PAPPA: variants seen among roughly 807,000 people sequenced by gnomAD.
PAPPA encodes the protein pappalysin 1.
A neutral mutation model predicts 164.0 loss-of-function variants in PAPPA; 60 were observed. That is an observed-to-expected ratio of 0.37 (90% CI 0.30 to 0.45). The LOEUF is 0.45. PAPPA is among the 20% of genes least tolerant of loss of function. The pLI is 1.00. For synonymous variants in PAPPA, 875 were observed against 814.1 expected (o/e 1.07, Z -1.27); for missense variants, 1,782 against 2,087.3 (o/e 0.85, Z 2.85).
intron 1 of PAPPA, among the ~76,000 whole-genome samples, chr9:116,177,224 C>T (rs1416337652): frequency 2.0e-5 from 3 of 152,122 alleles, no homozygotes; most frequent in Admixed American, 2.0e-4. Flanking sequence ...CTTATTACAT[C>T]CTTCCAACCA....
chr9:116,360,528 A>T (rs1039906338), intron 17 of PAPPA, among the ~76,000 whole-genome samples: 4 of 152,114 alleles, frequency 2.6e-5, no homozygotes, highest in African/African-American at 4.8e-5. Context: ...CTCAGCCTAC[A>T]TCAGTTCTTT....
chr9:116,294,941 G>A lies in PAPPA; in HGVS notation c.2954-7816G>A, dbSNP rs551220011. On this transcript the variant is annotated intron_variant, in intron 9 of 21. Transcript: ENST00000328252. ...CCTATCTTTATTTGCAAGAAATTTA[G>A]AAAGACAGGTGAATCCACTCATCGT... 1.8e-4 allele frequency among the ~76,000 whole-genome samples: 28 copies of A among 152,250 alleles called. No individual in the cohort carries two copies. In the South Asian group the frequency reaches 5.8e-3, roughly 32 times the overall value.
At chr9:116,273,412 A>G (rs1845159931) in intron 9 of PAPPA, among the ~76,000 whole-genome samples, 2 of 152,250 alleles carry the variant, frequency 1.3e-5, no homozygotes, top group Admixed American at 1.3e-4. Flanking sequence ...TGCTACAATG[A>G]GAGTTCAGTG....
intron 17 of PAPPA, 53 bp downstream of exon 17, chr9:116,353,846 A>G: frequency 1.4e-6 from 2 of 1,414,060 alleles, no homozygotes; most frequent in South Asian, 2.5e-5. Flanking sequence ...CTTTCTGCTT[A>G]CCAAAAACTA....
intron 21 of PAPPA, among the ~76,000 whole-genome samples, chr9:116,392,332 C>T (rs1267679768): frequency 6.6e-6 from 1 of 152,206 alleles, no homozygotes; most frequent in African/African-American, 2.4e-5. Flanking sequence ...TGGAATCCTG[C>T]ATCACCAACT....
chr9:116,353,488 C>T (rs750140357), intron 16 of PAPPA, 134 bp from the exon 17 acceptor site: 220 of 753,586 alleles, frequency 2.9e-4, no homozygotes, highest in Non-Finnish European at 4.5e-4. Context: ...CGGGTCCCAC[C>T]AGAACCCAAT....
intron 2 of PAPPA, among the ~76,000 whole-genome samples, chr9:116,193,142 T>C (rs949967203): frequency 6.6e-5 from 10 of 151,318 alleles, no homozygotes; most frequent in African/African-American, 2.2e-4. Flanking sequence ...TTTATTATTA[T>C]TTTTTTGAAT....
intron 9 of PAPPA, among the ~76,000 whole-genome samples, chr9:116,294,361 G>T (rs573248544): frequency 1.2e-4 from 19 of 152,282 alleles, no homozygotes; most frequent in African/African-American, 4.6e-4. Flanking sequence ...TCTGAAGCTT[G>T]TTAGCAGATT....
intron 4 of PAPPA, among the ~76,000 whole-genome samples, chr9:116,214,876 T>G (rs963787032): frequency 1.3e-5 from 2 of 152,172 alleles, no homozygotes; most frequent in Non-Finnish European, 2.9e-5. Flanking sequence ...CAATTCCACT[T>G]CTAAGGAATA....
chr9:116,188,175 C>T lies in PAPPA; in HGVS notation c.1437C>T (p.Thr479=), dbSNP rs556662763. ...DGGECCDPEI[T]NVTQTCFDPD... ...GAGAGTGCTGTGACCCTGAAATCACCAATGTCACTCAGACTTGCTTTGACC... is the reference window on the plus strand; with the variant it reads ...GAGAGTGCTGTGACCCTGAAATCACTAATGTCACTCAGACTTGCTTTGACC... Residue 479 remains threonine, a synonymous_variant, in exon 2 of 22, where the codon ACC becomes ACT. Transcript: ENST00000328252. 6.2e-6 allele frequency: 10 copies of T among 1,613,698 alleles called. No homozygotes were observed. The East Asian group carries it at 2.2e-4, about 36-fold the overall frequency.
chr9:116,239,029 G>C (rs1228128996), intron 7 of PAPPA, among the ~76,000 whole-genome samples: 1 of 152,130 alleles, frequency 6.6e-6, no homozygotes, highest in Non-Finnish European at 1.5e-5. Flanking sequence ...GGGAAAAAAT[G>C]CTTTCTTTTT....
chr9:116,376,446 T>A (rs1382156075), intron 19 of PAPPA, among the ~76,000 whole-genome samples: 7 of 152,196 alleles, frequency 4.6e-5, no homozygotes, highest in Non-Finnish European at 1.0e-4. Context: ...TGAGCTTTAT[T>A]AAATCATTTC....
chr9:116,160,922 G>C (rs185610448), intron 1 of PAPPA, among the ~76,000 whole-genome samples: 56 of 152,336 alleles, frequency 3.7e-4, no homozygotes, highest in African/African-American at 1.0e-3. Context: ...CCTCTAAGCT[G>C]TGTGACCTGT....
In PAPPA at chr9:116,289,260, T is replaced by TGCC. The variant is rs1845395728; in HGVS notation, c.2954-13497_2954-13496insGCC. 7.1e-4 allele frequency among the ~76,000 whole-genome samples: 32 copies of TGCC among 44,980 alleles called. 6 individuals carry two copies. The highest frequency in any genetic ancestry group is 2.6e-3 in the South Asian group (3 of 1,176). 29.5% of individuals were successfully genotyped at this position (44,980 alleles called of 152,430 possible). ...ATATATATATAGCATATATGTAGCATATATATATAGCATATATATAGCATA... is the reference window on the plus strand; with the variant it reads ...ATATATATATAGCATATATGTAGCATGCCATATATATAGCATATATATAGCATA... On this transcript the variant is annotated intron_variant, in intron 9 of 21. Coordinates refer to ENST00000328252, the MANE Select transcript of PAPPA (RefSeq NM_002581.5).
intron 13 of PAPPA, among the ~76,000 whole-genome samples, chr9:116,336,261 G>A (rs1846060737): frequency 6.6e-6 from 1 of 151,976 alleles, no homozygotes; most frequent in Admixed American, 6.6e-5. Context: ...AGAAGAGGGG[G>A]ACACTAGCCT....
At chr9:116,273,822 ATCC>A (rs1845165051) in intron 9 of PAPPA, among the ~76,000 whole-genome samples, 2 of 152,138 alleles carry the variant, frequency 1.3e-5, no homozygotes, top group African/African-American at 4.8e-5. Context: ...TGAGACTGAG[ATCC>A]TCCTAGATTC....
intron 7 of PAPPA, among the ~76,000 whole-genome samples, chr9:116,244,293 A>G (rs1844770991): frequency 6.6e-6 from 1 of 152,188 alleles, no homozygotes; most frequent in African/African-American, 2.4e-5. Context: ...GCACTACTAA[A>G]CTTTGTAGTA....
chr9:116,156,330 A>ATG (rs1554730864), intron 1 of PAPPA, among the ~76,000 whole-genome samples: 21 of 82,228 alleles, frequency 2.6e-4, no homozygotes, highest in African/African-American at 7.7e-4. Context: ...GTATATATAT[A>ATG]TGTGTATATA....
At chr9:116,374,937 T>C (rs1846629974) in intron 19 of PAPPA, among the ~76,000 whole-genome samples, 1 of 152,266 alleles carries the variant, frequency 6.6e-6, no homozygotes, top group Admixed American at 6.5e-5. Flanking sequence ...CCAAATTCCC[T>C]CATTTGTATT....
Sources: allele counts gnomAD v4.1 joint callset (sites outside exome capture counted in the v4.1 genomes callset), GRCh38; gene constraint gnomAD v4.1.1; transcripts MANE v1.5; gene names NCBI Gene and HGNC (gene_info 2026-07-23, HGNC 2026-07-21).